Variants in MTFR1 observed in about 807,000 individuals in gnomAD.
MTFR1 encodes the protein mitochondrial fission regulator 1.
A neutral mutation model predicts 38.8 loss-of-function variants in MTFR1; 28 were observed. The ratio of observed to expected loss-of-function variants is 0.72; its 90% CI spans 0.53 to 0.99. The LOEUF is 0.99. Among genes scored for constraint, MTFR1 ranks in the 50% least tolerant of loss-of-function variants. The pLI is 0.00. For missense variants in MTFR1, 358 were observed against 395.5 expected, an observed-to-expected ratio of 0.91 and a Z score of 0.81; for synonymous variants, 145 against 137.0, an observed-to-expected ratio of 1.06 and a Z score of -0.41.
chr8:65,695,292 A>G (rs926354735), intron 4 of MTFR1, among the ~76,000 whole-genome samples: 2 of 152,204 alleles, frequency 1.3e-5, no homozygotes, highest in South Asian at 4.1e-4. Flanking sequence ...GTCAGAGTCT[A>G]GTTATCCTAA....
At chr8:65,756,548 A>C (rs1369003254) in intron 3 of MTFR1, among the ~76,000 whole-genome samples, 1 of 151,934 alleles carries the variant, frequency 6.6e-6, no homozygotes, top group East Asian at 1.9e-4. Flanking sequence ...TTTTCATTTC[A>C]GTTATTCTAC....
chr8:65,664,002 G>A (rs1029250785), intron 1 of MTFR1, among the ~76,000 whole-genome samples: 27 of 151,778 alleles, frequency 1.8e-4, no homozygotes, highest in Admixed American at 1.8e-3. Context: ...TTTTAGTAGA[G>A]ACGGGGTTTC....
intron 3 of MTFR1, among the ~76,000 whole-genome samples, chr8:65,748,929 C>A (rs1242415987): frequency 6.6e-6 from 1 of 152,200 alleles, no homozygotes; most frequent in Non-Finnish European, 1.5e-5. Flanking sequence ...AATTCTGAAT[C>A]TGCTCATCTT....
intron 1 of MTFR1, among the ~76,000 whole-genome samples, chr8:65,666,831 A>G (rs1804394220): frequency 6.6e-6 from 1 of 152,146 alleles, no homozygotes; most frequent in African/African-American, 2.4e-5. Flanking sequence ...TTATTTCACT[A>G]ATTCAAATAT....
chr8:65,694,068 A>C (rs1002148111), intron 4 of MTFR1, among the ~76,000 whole-genome samples: 1 of 142,312 alleles, frequency 7.0e-6, no homozygotes, highest in East Asian at 2.0e-4. Flanking sequence ...AACCCTGGCT[A>C]ATTCTTTTTT....
At chr8:65,712,638 A>T (rs978701914), downstream of MTFR1, among the ~76,000 whole-genome samples, 5 of 152,238 alleles carry the variant, frequency 3.3e-5, no homozygotes, top group African/African-American at 7.2e-5. Flanking sequence ...GCCACTCAGA[A>T]GATTAGGTAA....
chr8:65,722,939 G>C (rs983399544), intron 3 of MTFR1: 1 of 152,220 alleles, frequency 6.6e-6, no homozygotes, highest in African/African-American at 2.4e-5. Flanking sequence ...AAGCACTGGC[G>C]AGGCACAAAG....
At chr8:65,648,867 G>C (rs890574437) in intron 1 of MTFR1, among the ~76,000 whole-genome samples, 1 of 152,018 alleles carries the variant, frequency 6.6e-6, no homozygotes, top group South Asian at 2.1e-4. Flanking sequence ...TTTGTTGCCA[G>C]GTTGGAGTGC....
At chr8:65,759,712 G>A (rs1385499989) in intron 3 of MTFR1, among the ~76,000 whole-genome samples, 3 of 152,028 alleles carry the variant, frequency 2.0e-5, no homozygotes, top group South Asian at 2.1e-4. Context: ...TTCTTTTAAA[G>A]GGGGTTTTTC....
At chr8:65,647,541 C>T (rs1025814103) in intron 1 of MTFR1, among the ~76,000 whole-genome samples, 4 of 152,174 alleles carry the variant, frequency 2.6e-5, no homozygotes, top group African/African-American at 7.2e-5. Flanking sequence ...AACTCCTGAC[C>T]TCAGTTGATC....
At position 65,707,267 on chromosome 8, in the gene MTFR1, A is replaced by ATTCACCTTCTTTC. The variant is rs1563459058; in HGVS notation, c.764+15_764+27dup. On this transcript the variant is annotated intron_variant, in intron 6 of 7. Coordinates refer to ENST00000262146, the MANE Select transcript of MTFR1 (RefSeq NM_014637.4). ...TCGGTCAGTGAAGAGGTGAGGATACATTCACCTTCTTTCTTCCCCATTTGT... is the reference window on the plus strand; with the variant it reads ...TCGGTCAGTGAAGAGGTGAGGATACATTCACCTTCTTTCTTCACCTTCTTTCTTCCCCATTTGT... 6.2e-7 allele frequency: 1 copy of ATTCACCTTCTTTC among 1,604,384 alleles called. No individual in the cohort carries two copies. Among genetic ancestry groups the ATTCACCTTCTTTC allele is most frequent in the East Asian group, 2.2e-5 (1 of 44,678 alleles).
chr8:65,748,496 T>A (rs1375056244), intron 3 of MTFR1, among the ~76,000 whole-genome samples: 1 of 152,172 alleles, frequency 6.6e-6, no homozygotes, highest in African/African-American at 2.4e-5. Context: ...AAACCAGAGT[T>A]CCCTGGATTG....
rs556823649 is a variant in MTFR1 at position 65,739,743 on chromosome 8, C to T, written c.*48+20262C>T. On this transcript the variant is annotated intron_variant, in intron 3 of 3. Transcript: ENST00000521247. The stretch of plus-strand genomic sequence containing the variant: ...CTATCAAAAATATGCATCTTCTTAC[C>T]AGTTATGAACTTTATATGTCACATC... 29 of 873,738 alleles carry T rather than the reference C, an allele frequency of 3.3e-5. No homozygotes were observed. The East Asian group carries it at 8.1e-4, about 24-fold the overall frequency. The allele number at this position is 873,738 out of a possible 1,614,324, so 54.1% of individuals were successfully genotyped here.
rs1052775253 is a variant in MTFR1 at position 65,725,417 on chromosome 8, T to C, written c.*48+5936T>C. 10 of 154,622 alleles carry C rather than the reference T, an allele frequency of 6.5e-5. No individual in the cohort carries two copies. In the Middle Eastern group the frequency reaches 4.6e-3, roughly 72 times the overall value. 9.6% of individuals were successfully genotyped at this position (154,622 alleles called of 1,614,324 possible). On this transcript the variant is annotated intron_variant, in intron 3 of 3. Transcript: ENST00000521247. Reference sequence around the variant, plus strand: ...ATTCTGACTAAGATGCCTGTTGCAATTCCCCTGAGCAACTTAATAACTGTG... The same window carrying C: ...ATTCTGACTAAGATGCCTGTTGCAACTCCCCTGAGCAACTTAATAACTGTG...
chr8:65,654,397 C>T lies in MTFR1; in HGVS notation c.-81+9613C>T, dbSNP rs79327265. 4.8e-3 allele frequency among the ~76,000 whole-genome samples: 731 copies of T among 152,116 alleles called. 4 individuals are homozygous for T. The highest frequency in any genetic ancestry group is 0.042 in the East Asian group (220 of 5,180). On this transcript the variant is annotated intron_variant, in intron 1 of 7. Transcript: ENST00000262146. ...TTAATGGCTGTAAACTTAGAATGGG[C>T]ATATTTAATTTATTGAATTAATTTT...
chr8:65,717,021 A>AC (rs1236925994), intron 2 of MTFR1, among the ~76,000 whole-genome samples: 1 of 152,192 alleles, frequency 6.6e-6, no homozygotes, highest in Non-Finnish European at 1.5e-5. Flanking sequence ...AAGACTTAGT[A>AC]CCCCCCAAAA....
chr8:65,681,553 C>A (rs1001623963), intron 2 of MTFR1, among the ~76,000 whole-genome samples: 1 of 152,092 alleles, frequency 6.6e-6, no homozygotes, highest in East Asian at 1.9e-4. Context: ...AAGTGTAGCA[C>A]TCAAAACAGA....
intron 3 of MTFR1, among the ~76,000 whole-genome samples, chr8:65,734,147 A>G (rs1807024791): frequency 1.3e-5 from 2 of 152,210 alleles, no homozygotes; most frequent in South Asian, 4.1e-4. Flanking sequence ...TGTCTCTACA[A>G]GCCTTACCCC....
the MTFR1 span, among the ~76,000 whole-genome samples, chr8:65,777,807 C>T: frequency 6.6e-6 from 1 of 152,132 alleles, no homozygotes; most frequent in Non-Finnish European, 1.5e-5. Flanking sequence ...CTCCACTACC[C>T]CTCATTACTT....
Sources: gnomAD v4.1 joint callset for allele counts (sites outside exome capture counted in the v4.1 genomes callset) on GRCh38, gnomAD v4.1.1 for gene constraint, MANE v1.5 for transcripts, NCBI Gene and HGNC (gene_info 2026-07-23, HGNC 2026-07-21) for gene names.